The following SLC25A33 variants were observed in gnomAD, a reference collection of about 807,000 sequenced individuals.
SLC25A33 encodes the protein solute carrier family 25 member 33.
SLC25A33 carries 15 observed loss-of-function variants against 35.5 expected under a neutral mutation model. The observed-to-expected ratio is 0.42, with a 90% CI of 0.28 to 0.65. The LOEUF (loss-of-function observed/expected upper bound fraction) is 0.65. SLC25A33 is among the 30% of genes least tolerant of loss of function. The probability of loss-of-function intolerance (pLI) is 0.20; values close to 1 mark genes in which losing one functional copy is unlikely to be tolerated. For missense variants in SLC25A33, 257 were observed against 398.5 expected, an observed-to-expected ratio of 0.64 and a Z score of 3.02; for synonymous variants, 136 against 148.7, an observed-to-expected ratio of 0.91 and a Z score of 0.62.
At chr1:9,576,291 G>C (rs1643660140) in intron 5 of SLC25A33, 3 of 239,728 alleles carry the variant, frequency 1.3e-5, no homozygotes, top group African/African-American at 2.3e-5. Flanking sequence ...GTTGCTGAGG[G>C]TGCCACTAGA....
chr1:9,552,910 C>CTTTTATTT (rs1643286062), intron 1 of SLC25A33, among the ~76,000 whole-genome samples: 3 of 94,174 alleles, frequency 3.2e-5, no homozygotes, highest in Non-Finnish European at 6.0e-5. Context: ...GGGATTTCAA[C>CTTTTATTT]TTTTTTTTTT....
At chr1:9,555,682 T>C (rs1643332929) in intron 2 of SLC25A33, among the ~76,000 whole-genome samples, 3 of 151,910 alleles carry the variant, frequency 2.0e-5, no homozygotes, top group Admixed American at 2.0e-4. Flanking sequence ...GGTTTTTGTT[T>C]GTTTGTTTGT....
chr1:9,545,094 G>A (rs1050559219), intron 1 of SLC25A33, among the ~76,000 whole-genome samples: 2 of 152,158 alleles, frequency 1.3e-5, no homozygotes, highest in East Asian at 3.8e-4. Context: ...GGGTGTAAAA[G>A]GATTAGAAGG....
rs370922985 is a variant in SLC25A33 at position 9,567,470 on chromosome 1, A to G, written c.314+109A>G. 4.8e-5 allele frequency: 47 copies of G among 975,112 alleles called. No individual in the cohort carries two copies. In the East Asian group the frequency reaches 1.1e-3, roughly 23 times the overall value. The allele number at this position is 975,112 out of a possible 1,614,324, so 60.4% of individuals were successfully genotyped here. ...TGACCAGTGTCTTTTTCTATGTTGG[A>G]TTTGCCTAAATATAGCGGACATAGC... On this transcript the variant is annotated intron_variant, in intron 3 of 6. Coordinates refer to ENST00000302692, the MANE Select transcript of SLC25A33 (RefSeq NM_032315.3).
In SLC25A33 at chr1:9,578,985, C is replaced by T. The variant is rs1161119206; in HGVS notation, c.483-969C>T. ...GGTCAAATGCTAATGTTTTTATGAA[C>T]ATGTTTCTATGACTCTTGATACAGA... On this transcript the variant is annotated intron_variant, in intron 5 of 6. Transcript: ENST00000302692. This position sits in a 1 kb window ranked among gnomAD's most constrained non-coding sequence, Gnocchi z 4.3. Among the ~76,000 whole-genome samples the T allele has an allele frequency of 1.3e-5, 2 of 152,212 alleles. No individual in the cohort carries two copies. The highest frequency in any genetic ancestry group is 4.8e-5 in the African/African-American group (2 of 41,458).
intron 1 of SLC25A33, among the ~76,000 whole-genome samples, chr1:9,545,204 G>T (rs553525950): frequency 1.3e-5 from 2 of 151,992 alleles, no homozygotes; most frequent in African/African-American, 2.4e-5. Flanking sequence ...TGTTTTTGGT[G>T]GTTTTTTTTG....
rs908495381 is a variant in SLC25A33 at position 9,570,379 on chromosome 1, A to AAG, written c.415+26_415+27dup. ...TGCAGGTATGTTACCCTAGTGAGTGAAGAGAGGGTCTCTCTCTCACTTTTC... is the reference window on the plus strand; with the variant it reads ...TGCAGGTATGTTACCCTAGTGAGTGAAGAGAGAGGGTCTCTCTCTCACTTTTC... On this transcript the variant is annotated intron_variant, in intron 4 of 6. Coordinates refer to ENST00000302692, the MANE Select transcript of SLC25A33 (RefSeq NM_032315.3). 6 of 1,586,372 alleles carry AAG rather than the reference A, an allele frequency of 3.8e-6. No homozygotes were observed. In the African/African-American group the frequency reaches 6.7e-5, roughly 18 times the overall value.
At chr1:9,579,886 A>G (rs1643713977) in intron 5 of SLC25A33, 68 bp from the exon 6 acceptor site, 1 of 1,527,768 alleles carries the variant, frequency 6.5e-7, no homozygotes, top group South Asian at 1.3e-5. Context: ...CTGTTCTCCT[A>G]CTGTGTGATG....
intron 2 of SLC25A33, among the ~76,000 whole-genome samples, chr1:9,563,677 G>A (rs2100394032): frequency 6.6e-6 from 1 of 152,160 alleles, no homozygotes; most frequent in South Asian, 2.1e-4. Context: ...CATACCTTCT[G>A]TGTGTTATAA....
chr1:9,549,948 G>A (rs1383604506), intron 1 of SLC25A33, among the ~76,000 whole-genome samples: 3 of 124,204 alleles, frequency 2.4e-5, no homozygotes, highest in Non-Finnish European at 3.3e-5. Flanking sequence ...TTCTATATAT[G>A]TATCTTTATA....
At chr1:9,567,176 C>A in intron 2 of SLC25A33, 108 bp from the exon 3 acceptor site, 1 of 931,996 alleles carries the variant, frequency 1.1e-6, no homozygotes, top group Non-Finnish European at 1.7e-6. Context: ...CTTGACATCT[C>A]TCAAACATTT....
At chr1:9,563,359 A>T (rs1178001342) in intron 2 of SLC25A33, among the ~76,000 whole-genome samples, 2 of 152,224 alleles carry the variant, frequency 1.3e-5, no homozygotes, top group African/African-American at 4.8e-5. Flanking sequence ...TATTTTAAAC[A>T]TCCAAAAATT....
In SLC25A33 at chr1:9,582,461, A is replaced by T; in HGVS notation, c.926A>T (p.Tyr309Phe). The change falls in exon 7 of 7, where the codon TAT becomes TTT. Residue 309 changes from tyrosine to phenylalanine, a missense_variant. Physicochemically the swap from Tyr to Phe is conservative, Grantham distance 22. Coordinates refer to ENST00000302692, the MANE Select transcript of SLC25A33 (RefSeq NM_032315.3). This position sits in a 1 kb window ranked among gnomAD's most constrained non-coding sequence, Gnocchi z 4.0. ...IPNTAIVLST[Y>F]ELIVYLLEDR... is the part of the protein sequence containing the mutation. ...AATACTGCCATTGTGTTGTCTACTT[A>T]TGAGTTAATTGTGTACCTGTTAGAA... The T allele has an allele frequency of 6.2e-7, 1 of 1,613,892 alleles. No homozygotes were observed. The highest frequency in any genetic ancestry group is 8.5e-7 in the Non-Finnish European group (1 of 1,179,840).
intron 2 of SLC25A33, among the ~76,000 whole-genome samples, chr1:9,562,119 G>C (rs957048535): frequency 6.6e-6 from 1 of 151,670 alleles, no homozygotes; most frequent in Non-Finnish European, 1.5e-5. Context: ...AGGCTGAGGT[G>C]GGCGGATCAC....
intron 1 of SLC25A33, among the ~76,000 whole-genome samples, chr1:9,552,244 C>T (rs758272598): frequency 6.6e-6 from 1 of 151,978 alleles, no homozygotes. Context: ...TTAAGACAGT[C>T]TTGCTCTGTC....
At chr1:9,570,177 G>A (rs978755307) in intron 3 of SLC25A33, 81 bp from the exon 4 acceptor site, 17 of 1,313,364 alleles carry the variant, frequency 1.3e-5, no homozygotes, top group African/African-American at 6.0e-5. Context: ...TTTATTTTCC[G>A]AAAATTTTTC....
At chr1:9,572,288 A>T (rs1294847667) in intron 4 of SLC25A33, among the ~76,000 whole-genome samples, 2 of 152,198 alleles carry the variant, frequency 1.3e-5, no homozygotes, top group Non-Finnish European at 2.9e-5. Flanking sequence ...AGAACCCTTG[A>T]TAAATAAAGC....
chr1:9,558,258 GT>G (rs1168468046), intron 2 of SLC25A33, among the ~76,000 whole-genome samples: 2 of 152,226 alleles, frequency 1.3e-5, no homozygotes, highest in African/African-American at 2.4e-5. Flanking sequence ...GGCAGCAGCA[GT>G]TCCCAGCTCA....
Position 9,573,342 on chromosome 1 carries a change from C to A in SLC25A33, c.416-4C>A. On this transcript the variant is annotated splice_region_variant and splice_polypyrimidine_tract_variant and intron_variant, in intron 4 of 6. Transcript: ENST00000302692. ...TTGACCTTTACTGTTTTTTTTTTTT[C>A]CAGCTTTTATCACAAATTCCTTAAT... 1 of 1,536,948 alleles carries A rather than the reference C, an allele frequency of 6.5e-7. No homozygotes were observed. Among genetic ancestry groups the A allele is most frequent in the Non-Finnish European group, 8.8e-7 (1 of 1,137,026 alleles).
Sources: gnomAD v4.1 joint callset for allele counts (sites outside exome capture counted in the v4.1 genomes callset) on GRCh38, gnomAD v4.1.1 for gene constraint, Gnocchi (gnomAD v3.1) non-coding constraint, MANE v1.5 for transcripts, NCBI Gene and HGNC (gene_info 2026-07-23, HGNC 2026-07-21) for gene names.